Variants in ADAMTS5 observed in about 807,000 individuals in gnomAD.
ADAMTS5 encodes A disintegrin and metalloproteinase with thrombospondin motifs 5.
A neutral mutation model predicts 81.4 loss-of-function variants in ADAMTS5; 54 were observed. The observed-to-expected ratio is 0.66, with a 90% CI of 0.53 to 0.83. The LOEUF (loss-of-function observed/expected upper bound fraction) is 0.83. Among genes scored for constraint, ADAMTS5 ranks in the 40% least tolerant of loss-of-function variants. ADAMTS5 has a pLI of 0.00. For synonymous variants in ADAMTS5, 532 were observed against 508.8 expected, an observed-to-expected ratio of 1.05 and a Z score of -0.61; for missense variants, 1,194 against 1,229.9, an observed-to-expected ratio of 0.97 and a Z score of 0.44.
chr21:26,943,326 C>T, intron 3 of ADAMTS5, 54 bp downstream of exon 3: 1 of 1,524,386 alleles, frequency 6.6e-7, no homozygotes, highest in Non-Finnish European at 8.9e-7. Flanking sequence ...AAGTCAAACT[C>T]CTAAGAATCC....
Position 26,951,275 on chromosome 21 carries a change from T to C in ADAMTS5, c.1237+3464A>G, listed in dbSNP as rs118067086. Among the ~76,000 whole-genome samples the C allele has an allele frequency of 5.8e-3, 879 of 152,278 alleles. 18 individuals carry two copies. Among genetic ancestry groups the C allele is most frequent in the East Asian group, 0.027 (138 of 5,174 alleles). ...TAGAAGAAATAAAGTAGAAAAATTA[T>C]GGGAACAGCCTGGGAATCTCTCCTA... On this transcript the variant is annotated intron_variant, in intron 2 of 7. Transcript: ENST00000284987.
rs115596608 is a variant in ADAMTS5 at position 26,922,580 on chromosome 21, T to C, written c.*1473A>G. On this transcript the variant is annotated 3_prime_UTR_variant, in exon 8 of 8. Transcript: ENST00000284987. Reference sequence around the variant, plus strand: ...TAGATTTTCTAAGTTGTGAGGTTGGTGATGGGGGGGTGTACATTTTATCAT... The same window carrying C: ...TAGATTTTCTAAGTTGTGAGGTTGGCGATGGGGGGGTGTACATTTTATCAT... 1.3e-5 allele frequency: 2 copies of C among 151,980 alleles called. No homozygotes were observed. Among genetic ancestry groups the C allele is most frequent in the African/African-American group, 2.4e-5 (1 of 41,406 alleles). 9.4% of individuals were successfully genotyped at this position (151,980 alleles called of 1,614,324 possible).
chr21:26,942,593 T>A (rs1165123336), intron 3 of ADAMTS5, among the ~76,000 whole-genome samples: 1 of 152,158 alleles, frequency 6.6e-6, no homozygotes, highest in South Asian at 2.1e-4. Context: ...TTTAAAGTAC[T>A]GAAGAATGCT....
chr21:26,925,778 G>A lies in ADAMTS5; in HGVS notation c.2226-1158C>T, dbSNP rs144094258. Among the ~76,000 whole-genome samples, 288 of 152,314 alleles carry A rather than the reference G, an allele frequency of 1.9e-3. 1 individual carries two copies. Among genetic ancestry groups the A allele is most frequent in the Non-Finnish European group, 2.9e-3 (199 of 68,022 alleles). On this transcript the variant is annotated intron_variant, in intron 7 of 7. Coordinates refer to ENST00000284987, the MANE Select transcript of ADAMTS5 (RefSeq NM_007038.5). ...CCAGAGTTTCCTCTGAATTGGAAAG[G>A]AAGCTTATCGCCAAGGAAGTCCCCT...
chr21:26,965,426 G>T lies in ADAMTS5; in HGVS notation c.966C>A (p.Gly322=), dbSNP rs541291812. ...RLAVVKVVVL[G]DKDKSLEVSK... is the part of the protein sequence containing the mutation. Reference sequence around the variant, plus strand: ...TCACTTCCAGGCTCTTGTCCTTGTCGCCTAGCACCACCACCTTCACCACGG... The same window carrying T: ...TCACTTCCAGGCTCTTGTCCTTGTCTCCTAGCACCACCACCTTCACCACGG... The change falls in exon 1 of 8, where the codon GGC becomes GGA. Residue 322 remains glycine, a synonymous_variant. Coordinates refer to ENST00000284987, the MANE Select transcript of ADAMTS5 (RefSeq NM_007038.5). 4.3e-6 allele frequency: 7 copies of T among 1,614,222 alleles called. No individual in the cohort carries two copies. The South Asian group carries it at 5.5e-5, about 13-fold the overall frequency.
chr21:26,937,246 G>C (rs1005153633), intron 3 of ADAMTS5, among the ~76,000 whole-genome samples: 8 of 152,154 alleles, frequency 5.3e-5, no homozygotes, highest in African/African-American at 1.9e-4. Context: ...TCAAGATGTG[G>C]CATCTCTTTA....
At chr21:26,932,717 A>ATTTTTTTTTTTT (rs1388049411) in intron 5 of ADAMTS5, 144 bp downstream of exon 5, 2 of 901,194 alleles carry the variant, frequency 2.2e-6, no homozygotes, top group African/African-American at 3.5e-5. Flanking sequence ...AAACAAACAC[A>ATTTTTTTTTTTT]TAGGTGTTTG....
At chr21:26,951,563 C>A (rs553216288) in intron 2 of ADAMTS5, among the ~76,000 whole-genome samples, 22 of 151,294 alleles carry the variant, frequency 1.5e-4, no homozygotes, top group African/African-American at 5.3e-4. Flanking sequence ...CCTGTAATCC[C>A]AGCTGCTTGG....
At chr21:26,962,291 T>C (rs1441187411) in intron 1 of ADAMTS5, among the ~76,000 whole-genome samples, 1 of 152,210 alleles carries the variant, frequency 6.6e-6, no homozygotes, top group Non-Finnish European at 1.5e-5. Context: ...AGGAAAGGAT[T>C]CTGGAAAGCA....
Position 26,931,986 on chromosome 21 carries a change from C to A in ADAMTS5, c.2049+18G>T. The A allele has an allele frequency of 6.3e-7, 1 of 1,597,590 alleles. No individual in the cohort carries two copies. The highest frequency in any genetic ancestry group is 1.1e-5 in the South Asian group (1 of 88,034). ...CACCAGTACGCCTACTGCTTCTGGA[C>A]AGTTGGTGTGTAGTTACCTTTGGAG... On this transcript the variant is annotated intron_variant, in intron 6 of 7. Coordinates refer to ENST00000284987, the MANE Select transcript of ADAMTS5 (RefSeq NM_007038.5).
Position 26,933,043 on chromosome 21 carries a change from G to A in ADAMTS5, c.1691C>T (p.Thr564Met), listed in dbSNP as rs747675073. 1.1e-5 allele frequency: 17 copies of A among 1,611,434 alleles called. No homozygotes were observed. Among genetic ancestry groups the A allele is most frequent in the African/African-American group, 2.7e-5 (2 of 74,748 alleles). The stretch of plus-strand genomic sequence containing the variant: ...AGATCCCCAGTTGCCATGGCTTGAC[G>A]TCTGAAATAGAGAATAGAATATATT... Reference protein sequence around the residue: ...VDKTKKKYYSTSSHGNWGSWG... With the variant: ...VDKTKKKYYSMSSHGNWGSWG... The change falls in exon 5 of 8, where the codon ACG becomes ATG. Residue 564 changes from threonine (T) to methionine (M), a missense_variant and splice_region_variant. Physicochemically the swap from Thr to Met is moderately conservative, Grantham distance 81. This residue lies in a region of ADAMTS5 where 696 missense variants were observed against 817.6 expected (regional missense o/e 0.85). Transcript: ENST00000284987.
chr21:26,960,255 C>G (rs144241263), intron 1 of ADAMTS5, among the ~76,000 whole-genome samples: 9 of 152,314 alleles, frequency 5.9e-5, no homozygotes, highest in African/African-American at 2.2e-4. Flanking sequence ...CACCCAGGAT[C>G]CAGTCCACTA....
intron 3 of ADAMTS5, among the ~76,000 whole-genome samples, chr21:26,936,174 T>C (rs139254862): frequency 9.4e-4 from 143 of 152,266 alleles, no homozygotes; most frequent in African/African-American, 3.2e-3. Context: ...AAGGATCCTT[T>C]AAGTGGTAGA....
chr21:26,925,597 C>T (rs1386194060), intron 7 of ADAMTS5, among the ~76,000 whole-genome samples: 1 of 152,102 alleles, frequency 6.6e-6, no homozygotes, highest in Non-Finnish European at 1.5e-5. Flanking sequence ...CACATTTTTG[C>T]CTTTTTAAGT....
At chr21:26,926,234 C>G (rs1328792786) in intron 7 of ADAMTS5, among the ~76,000 whole-genome samples, 3 of 152,054 alleles carry the variant, frequency 2.0e-5, no homozygotes, top group African/African-American at 7.2e-5. Context: ...GCACTCCAGC[C>G]CGAGTAACAG....
At chr21:26,955,014 A>G in intron 1 of ADAMTS5, 143 bp from the exon 2 acceptor site, 2 of 984,120 alleles carry the variant, frequency 2.0e-6, no homozygotes, top group South Asian at 3.4e-5. Context: ...TCCAAAGGCA[A>G]ACTCAAGGCA....
At chr21:26,926,420 C>A (rs999681283) in intron 7 of ADAMTS5, among the ~76,000 whole-genome samples, 1 of 152,194 alleles carries the variant, frequency 6.6e-6, no homozygotes, top group Non-Finnish European at 1.5e-5. Context: ...CACCTGTAAT[C>A]CCAGCACTTT....
In ADAMTS5 at chr21:26,945,955, C is replaced by T. The variant is rs370722413; in HGVS notation, c.1238-2408G>A. Reference sequence around the variant, plus strand: ...CTGCTTAGAGTCAACTGAAAGAGATCGACTCTTTTGAGGGCGAATGAACAC... The same window carrying T: ...CTGCTTAGAGTCAACTGAAAGAGATTGACTCTTTTGAGGGCGAATGAACAC... On this transcript the variant is annotated intron_variant, in intron 2 of 7. Transcript: ENST00000284987. Among the ~76,000 whole-genome samples the T allele has an allele frequency of 2.6e-5, 4 of 152,228 alleles. No homozygotes were observed. In the East Asian group the frequency reaches 7.7e-4, roughly 29 times the overall value.
intron 7 of ADAMTS5, among the ~76,000 whole-genome samples, chr21:26,927,937 C>T (rs1229142161): frequency 6.6e-6 from 1 of 151,818 alleles, no homozygotes; most frequent in Non-Finnish European, 1.5e-5. Context: ...GAAAATGAGA[C>T]GTGAACCATG....
Sources: gnomAD v4.1 joint callset for allele counts (sites outside exome capture counted in the v4.1 genomes callset) on GRCh38, gnomAD v4.1.1 for gene constraint, gnomAD v4.1.1 regional missense constraint, MANE v1.5 for transcripts, NCBI Gene and HGNC (gene_info 2026-07-23, HGNC 2026-07-21) for gene names.